The following EXOC6B variants were observed in gnomAD, a reference collection of about 807,000 sequenced individuals.
EXOC6B encodes the protein SEC15 homolog B.
Under a neutral mutation model 113.5 loss-of-function variants are expected in EXOC6B, and 54 were observed. The ratio of observed to expected loss-of-function variants is 0.48; its 90% CI spans 0.38 to 0.60. The LOEUF is 0.60. EXOC6B is among the 20% of genes least tolerant of loss of function. EXOC6B has a pLI of 0.00. For synonymous variants in EXOC6B, 357 were observed against 339.0 expected (o/e 1.05, Z -0.58); for missense variants, 797 against 977.5 (o/e 0.82, Z 2.46).
chr2:72,762,338 A>C (rs2104905133), intron 1 of EXOC6B, among the ~76,000 whole-genome samples: 1 of 152,260 alleles, frequency 6.6e-6, no homozygotes, highest in African/African-American at 2.4e-5. Flanking sequence ...CATGAAAAAT[A>C]AAGGAATGTT....
intron 18 of EXOC6B, among the ~76,000 whole-genome samples, chr2:72,401,593 A>G (rs1277377878): frequency 4.6e-5 from 2 of 43,900 alleles, no homozygotes; most frequent in South Asian, 4.8e-4. Flanking sequence ...ATATATATAT[A>G]TATATATATG....
intron 8 of EXOC6B, among the ~76,000 whole-genome samples, chr2:72,523,291 A>C (rs1191254397): frequency 1.3e-5 from 2 of 152,320 alleles, no homozygotes; most frequent in East Asian, 3.9e-4. Context: ...TCTTCATGAA[A>C]TGTGACAATG....
At chr2:72,743,355 C>T (rs1198792277) in intron 1 of EXOC6B, among the ~76,000 whole-genome samples, 1 of 152,098 alleles carries the variant, frequency 6.6e-6, no homozygotes, top group East Asian at 1.9e-4. Context: ...CTGTAAGGCC[C>T]TACATAATGT....
intron 1 of EXOC6B, among the ~76,000 whole-genome samples, chr2:72,765,555 C>T (rs753276232): frequency 2.6e-5 from 4 of 152,144 alleles, no homozygotes; most frequent in Non-Finnish European, 4.4e-5. Flanking sequence ...TGCCTATAAT[C>T]CCAGCTACTG....
chr2:72,816,442 G>A (rs1391420666), intron 1 of EXOC6B, among the ~76,000 whole-genome samples: 2 of 151,956 alleles, frequency 1.3e-5, no homozygotes, highest in South Asian at 2.1e-4. Flanking sequence ...TATTTATTTT[G>A]TAAAAAGGAG....
intron 8 of EXOC6B, among the ~76,000 whole-genome samples, chr2:72,531,353 A>G (rs986560157): frequency 2.6e-5 from 4 of 152,096 alleles, no homozygotes; most frequent in East Asian, 1.9e-4. Context: ...TTCCCTTTAC[A>G]TCTCTATCCT....
At chr2:72,760,042 G>C (rs1040925345) in intron 1 of EXOC6B, among the ~76,000 whole-genome samples, 1 of 152,172 alleles carries the variant, frequency 6.6e-6, no homozygotes, top group Admixed American at 6.5e-5. Context: ...TGAAAACCAA[G>C]TGAGATAAAT....
intron 20 of EXOC6B, among the ~76,000 whole-genome samples, chr2:72,229,779 T>C (rs1378805887): frequency 2.6e-5 from 4 of 152,188 alleles, no homozygotes; most frequent in African/African-American, 9.7e-5. Context: ...CTCAAAATAT[T>C]TTTTAGAAAA....
chr2:72,190,981 C>A (rs931057770), intron 20 of EXOC6B, among the ~76,000 whole-genome samples: 3 of 152,168 alleles, frequency 2.0e-5, no homozygotes, highest in African/African-American at 7.2e-5. Context: ...CTCAACCCAT[C>A]ATTAATGATG....
At chr2:72,547,970 G>A (rs989297983) in intron 8 of EXOC6B, among the ~76,000 whole-genome samples, 19 of 152,000 alleles carry the variant, frequency 1.3e-4, no homozygotes, top group African/African-American at 7.2e-5. Context: ...TAAACTGTAC[G>A]TGAATGTGAA....
At chr2:72,376,176 G>T (rs1342924702) in intron 19 of EXOC6B, among the ~76,000 whole-genome samples, 1 of 152,148 alleles carries the variant, frequency 6.6e-6, no homozygotes, top group Non-Finnish European at 1.5e-5. Flanking sequence ...CTATATTATA[G>T]ATCTGGGTTG....
rs564845949 is a variant in EXOC6B at position 72,497,040 on chromosome 2, C to T, written c.1338-481G>A. 3.3e-5 allele frequency among the ~76,000 whole-genome samples: 5 copies of T among 150,670 alleles called. No individual in the cohort carries two copies. The South Asian group carries it at 1.0e-3, about 32-fold the overall frequency. Reference sequence around the variant, plus strand: ...CCAGGCTGGATTGCAGTGGCATGATCGTAGCTCACTGTAACCTCAAACTCT... The same window carrying T: ...CCAGGCTGGATTGCAGTGGCATGATTGTAGCTCACTGTAACCTCAAACTCT... On this transcript the variant is annotated intron_variant, in intron 13 of 21. Coordinates refer to ENST00000272427, the MANE Select transcript of EXOC6B (RefSeq NM_015189.3).
At chr2:72,242,117 A>G (rs1682350617) in intron 20 of EXOC6B, among the ~76,000 whole-genome samples, 1 of 152,168 alleles carries the variant, frequency 6.6e-6, no homozygotes, top group African/African-American at 2.4e-5. Flanking sequence ...ACTTGAGCCC[A>G]GGAGGTCGAG....
intron 18 of EXOC6B, among the ~76,000 whole-genome samples, chr2:72,396,518 A>G (rs1245388389): frequency 2.0e-5 from 3 of 152,198 alleles, no homozygotes; most frequent in Non-Finnish European, 2.9e-5. Context: ...CAATGCTAAA[A>G]TAAAGATTAA....
intron 16 of EXOC6B, among the ~76,000 whole-genome samples, chr2:72,485,008 T>C (rs1367170928): frequency 5.3e-5 from 8 of 152,188 alleles, no homozygotes; most frequent in Non-Finnish European, 1.0e-4. Context: ...GGGTCAAATG[T>C]TATTTCTTGG....
chr2:72,679,399 G>C (rs900710354), intron 6 of EXOC6B, among the ~76,000 whole-genome samples: 4 of 152,078 alleles, frequency 2.6e-5, no homozygotes, highest in Non-Finnish European at 4.4e-5. Context: ...GGGGTTAATA[G>C]ACCTCCTGAA....
chr2:72,422,859 G>A (rs891407038), intron 18 of EXOC6B, among the ~76,000 whole-genome samples: 1 of 151,782 alleles, frequency 6.6e-6, no homozygotes, highest in African/African-American at 2.4e-5. Context: ...ATCTAGCTCA[G>A]GGATTGTAAA....
At chr2:72,203,101 T>A (rs1291453400) in intron 20 of EXOC6B, among the ~76,000 whole-genome samples, 1 of 152,246 alleles carries the variant, frequency 6.6e-6, no homozygotes, top group Non-Finnish European at 1.5e-5. Flanking sequence ...CAGCAAATAC[T>A]GGCGATGATG....
At chr2:72,611,391 GAAA>G (rs1671066647) in intron 6 of EXOC6B, among the ~76,000 whole-genome samples, 1 of 151,648 alleles carries the variant, frequency 6.6e-6, no homozygotes, top group African/African-American at 2.4e-5. Context: ...TCAAGGTCAT[GAAA>G]AACAAGGAAA....
Sources: gnomAD v4.1 joint callset for allele counts (sites outside exome capture counted in the v4.1 genomes callset) on GRCh38, gnomAD v4.1.1 for gene constraint, MANE v1.5 for transcripts, NCBI Gene and HGNC (gene_info 2026-07-23, HGNC 2026-07-21) for gene names.